The following PLA2G4A variants were observed in gnomAD, a reference collection of about 807,000 sequenced individuals.
PLA2G4A encodes the protein phospholipase A2 group IVA.
A neutral mutation model predicts 81.9 loss-of-function variants in PLA2G4A; 40 were observed. That is an observed-to-expected ratio of 0.49 (90% confidence interval 0.38 to 0.64). The LOEUF is 0.64. PLA2G4A is among the 30% of genes least tolerant of loss of function. PLA2G4A has a pLI of 0.00. For synonymous variants in PLA2G4A, 302 were observed against 296.9 expected, an observed-to-expected ratio of 1.02 and a Z score of -0.18; for missense variants, 715 against 905.1, an observed-to-expected ratio of 0.79 and a Z score of 2.69.
At chr1:186,890,838 C>A (rs1380457375) in intron 3 of PLA2G4A, among the ~76,000 whole-genome samples, 21 of 132,930 alleles carry the variant, frequency 1.6e-4, no homozygotes, top group African/African-American at 4.7e-4. Context: ...GGCAACAGAG[C>A]AAGACTCTGT....
chr1:186,893,785 G>T (rs374210036), intron 4 of PLA2G4A, among the ~76,000 whole-genome samples: 2 of 151,872 alleles, frequency 1.3e-5, no homozygotes, highest in African/African-American at 2.4e-5. Flanking sequence ...TTTGCTGGAT[G>T]TGGTGGCGCT....
Position 186,946,734 on chromosome 1 carries a change from C to T in PLA2G4A, c.1131C>T (p.Val377=), listed in dbSNP as rs546228398. Residue 377 remains valine, a synonymous_variant, in exon 11 of 18, where the codon GTC becomes GTT. Transcript: ENST00000367466. The stretch of plus-strand genomic sequence containing the variant: ...GAAGCAAATTTTTTATGGGAACAGT[C>T]GTTAAGAAGTATGAAGAAAACCCCT... The part of the protein sequence containing the change: ...LFGSKFFMGT[V]VKKYEENPLH... 32 of 1,611,634 alleles carry T rather than the reference C, an allele frequency of 2.0e-5. No individual in the cohort carries two copies. In the African/African-American group the frequency reaches 2.4e-4, roughly 12 times the overall value.
chr1:186,947,563 A>G (rs561974080), intron 12 of PLA2G4A, among the ~76,000 whole-genome samples: 22 of 152,308 alleles, frequency 1.4e-4, no homozygotes, highest in African/African-American at 4.3e-4. Flanking sequence ...TTCATTCATT[A>G]TAGGAATACC....
At chr1:186,895,422 C>A (rs548626116) in intron 5 of PLA2G4A, among the ~76,000 whole-genome samples, 1 of 152,316 alleles carries the variant, frequency 6.6e-6, no homozygotes, top group East Asian at 1.9e-4. Flanking sequence ...ATGCACTCAC[C>A]ACAATTCTGT....
intron 7 of PLA2G4A, among the ~76,000 whole-genome samples, chr1:186,922,732 G>GTA (rs1277453731): frequency 6.6e-6 from 1 of 152,194 alleles, no homozygotes; most frequent in African/African-American, 2.4e-5. Context: ...GAAGGAAGGG[G>GTA]TTTATTCAGC....
intron 3 of PLA2G4A, among the ~76,000 whole-genome samples, chr1:186,877,329 T>C (rs1653539816): frequency 6.6e-6 from 1 of 152,060 alleles, no homozygotes; most frequent in South Asian, 2.1e-4. Context: ...AAGTGCTCAA[T>C]AAATGTGACC....
In PLA2G4A at chr1:186,877,705, CAAAAAAAAAAAAA is replaced by C. The variant is rs58954006; in HGVS notation, c.115+7205_115+7217del. 6.6e-3 allele frequency among the ~76,000 whole-genome samples: 575 copies of C among 86,964 alleles called. 5 individuals carry two copies. The highest frequency in any genetic ancestry group is 0.024 in the African/African-American group (548 of 22,432). The allele number at this position is 86,964 out of a possible 152,430, so 57.1% of individuals were successfully genotyped here. A position where few individuals can be genotyped will look rare whatever the true frequency, so the allele number is the denominator to read the frequency against. ...AAGACTAAGGCCTGAGGCTTACTCA[CAAAAAAAAAAAAA>C]AAAAAAAAAAAAAAAGAAGCTTAAT... On this transcript the variant is annotated intron_variant, in intron 3 of 17. Transcript: ENST00000367466.
intron 3 of PLA2G4A, among the ~76,000 whole-genome samples, chr1:186,879,508 G>A (rs976051695): frequency 1.3e-5 from 2 of 151,894 alleles, no homozygotes; most frequent in African/African-American, 4.8e-5. Context: ...TTTAAACAAG[G>A]ACTCTGAAAC....
intron 2 of PLA2G4A, among the ~76,000 whole-genome samples, chr1:186,864,424 T>C (rs1180829136): frequency 6.6e-6 from 1 of 152,124 alleles, no homozygotes; most frequent in East Asian, 1.9e-4. Flanking sequence ...ACCAACAGTG[T>C]ATAAATGTTT....
chr1:186,950,842 G>A (rs1656534626), intron 13 of PLA2G4A, 114 bp downstream of exon 13: 1 of 714,488 alleles, frequency 1.4e-6, no homozygotes, highest in South Asian at 1.5e-5. Flanking sequence ...ACACGGAAGT[G>A]ATAAAATTGT....
In PLA2G4A at chr1:186,934,463, T is replaced by TATATATATATATATATAC. The variant is rs368585350; in HGVS notation, c.695+1565_695+1566insTATATATATATATATACA. Among the ~76,000 whole-genome samples the TATATATATATATATATAC allele has an allele frequency of 2.3e-4, 33 of 143,512 alleles. 1 individual carries two copies. Among genetic ancestry groups the TATATATATATATATATAC allele is most frequent in the Middle Eastern group, 3.6e-3 (1 of 276 alleles). The allele number at this position is 143,512 out of a possible 152,430, so 94.1% of individuals were successfully genotyped here. ...GTGCACATATATATATATATATATATACATACACAGAGAGAGTAATTAAAA... is the reference window on the plus strand; with the variant it reads ...GTGCACATATATATATATATATATATATATATATATATATATACACATACACAGAGAGAGTAATTAAAA... On this transcript the variant is annotated intron_variant, in intron 8 of 17. Coordinates refer to ENST00000367466, the MANE Select transcript of PLA2G4A (RefSeq NM_024420.3).
chr1:186,987,314 G>C (rs1420304795), intron 17 of PLA2G4A, among the ~76,000 whole-genome samples: 1 of 152,236 alleles, frequency 6.6e-6, no homozygotes, highest in Non-Finnish European at 1.5e-5. Flanking sequence ...AGTGAGAGGA[G>C]GCCATAGCGT....
intron 8 of PLA2G4A, among the ~76,000 whole-genome samples, chr1:186,937,571 T>C (rs1655997794): frequency 6.6e-6 from 1 of 151,918 alleles, no homozygotes; most frequent in South Asian, 2.1e-4. Context: ...GTTTTTTTTT[T>C]CTGCACATGT....
At chr1:186,951,610 TA>T (rs1447770639) in intron 13 of PLA2G4A, among the ~76,000 whole-genome samples, 1 of 152,172 alleles carries the variant, frequency 6.6e-6, no homozygotes, top group Admixed American at 6.5e-5. Context: ...AAAACTTAAT[TA>T]ATTCCACTAG....
intron 14 of PLA2G4A, among the ~76,000 whole-genome samples, chr1:186,963,694 G>A (rs867102271): frequency 3.9e-5 from 6 of 152,218 alleles, no homozygotes; most frequent in Middle Eastern, 3.4e-3. Flanking sequence ...ACTAGTAAGC[G>A]TTTGTAACAT....
chr1:186,883,760 G>A (rs916635599), intron 3 of PLA2G4A, among the ~76,000 whole-genome samples: 5 of 152,138 alleles, frequency 3.3e-5, no homozygotes, highest in African/African-American at 9.7e-5. Context: ...TGTTGCATAT[G>A]TGTTAAGTAA....
intron 12 of PLA2G4A, among the ~76,000 whole-genome samples, chr1:186,947,900 A>G (rs991808806): frequency 6.6e-6 from 1 of 152,174 alleles, no homozygotes; most frequent in African/African-American, 2.4e-5. Flanking sequence ...ATTTATTTGA[A>G]GAATGCTTGC....
At chr1:186,890,488 G>A (rs1412395990) in intron 3 of PLA2G4A, among the ~76,000 whole-genome samples, 3 of 152,142 alleles carry the variant, frequency 2.0e-5, no homozygotes, top group African/African-American at 7.2e-5. Flanking sequence ...TTCTTTATTT[G>A]CAATTGTTTT....
At chr1:186,977,088 A>G (rs193093994) in intron 15 of PLA2G4A, among the ~76,000 whole-genome samples, 1 of 152,342 alleles carries the variant, frequency 6.6e-6, no homozygotes, top group East Asian at 1.9e-4. Flanking sequence ...TCTGTTCACA[A>G]AAAGAAGACA....
Sources: allele counts gnomAD v4.1 joint callset (sites outside exome capture counted in the v4.1 genomes callset), GRCh38; gene constraint gnomAD v4.1.1; transcripts MANE v1.5; gene names NCBI Gene and HGNC (gene_info 2026-07-23, HGNC 2026-07-21).